The following RALGPS2 variants were observed in gnomAD, a reference collection of about 807,000 sequenced individuals.
RALGPS2 encodes Ral GEF with PH domain and SH3 binding motif 2, also known as ras-specific guanine nucleotide-releasing factor RalGPS2.
Under a neutral mutation model 86.8 loss-of-function variants are expected in RALGPS2, and 43 were observed. The ratio of observed to expected loss-of-function variants is 0.50; its 90% CI spans 0.39 to 0.64. The LOEUF (loss-of-function observed/expected upper bound fraction) is 0.64. Ranked by LOEUF, RALGPS2 falls within the 30% of genes least tolerant of loss-of-function variation. The pLI, the probability that RALGPS2 is intolerant of heterozygous loss-of-function variation, is 0.00. For missense variants in RALGPS2, 536 were observed against 694.6 expected, an observed-to-expected ratio of 0.77 and a Z score of 2.57; for synonymous variants, 243 against 231.3, an observed-to-expected ratio of 1.05 and a Z score of -0.46.
chr1:178,848,211 T>C (rs1403068848), intron 8 of RALGPS2, among the ~76,000 whole-genome samples: 1 of 151,838 alleles, frequency 6.6e-6, no homozygotes, highest in Non-Finnish European at 1.5e-5. Context: ...CTCAGGAGGC[T>C]AAGGTGGGAG....
chr1:178,773,210 A>T (rs1300771814), intron 1 of RALGPS2, among the ~76,000 whole-genome samples: 1 of 152,178 alleles, frequency 6.6e-6, no homozygotes, highest in African/African-American at 2.4e-5. Flanking sequence ...TTAGCTGGGC[A>T]TGGTGGTGCA....
At chr1:178,862,181 A>C (rs542667633) in intron 8 of RALGPS2, among the ~76,000 whole-genome samples, 3 of 152,094 alleles carry the variant, frequency 2.0e-5, no homozygotes, top group African/African-American at 7.2e-5. Context: ...CGAGGATATT[A>C]ATAATGATAA....
intron 8 of RALGPS2, among the ~76,000 whole-genome samples, chr1:178,840,487 G>A (rs1656544355): frequency 6.6e-6 from 1 of 152,162 alleles, no homozygotes; most frequent in Non-Finnish European, 1.5e-5. Context: ...GAATCTCTGG[G>A]ACACATTTAA....
In RALGPS2 at chr1:178,744,213, CGTT is replaced by C. The variant is rs554044470; in HGVS notation, c.-84+18797_-84+18799del. ...GTTGGTTTAACATTTAAAAAGCAAT[CGTT>C]GTAATTCACTACATTAAGTAAAAAA... is the stretch of plus-strand genomic sequence containing the variant. On this transcript the variant is annotated intron_variant, in intron 1 of 19. Transcript: ENST00000367635. Among the ~76,000 whole-genome samples the C allele has an allele frequency of 1.7e-3, 261 of 152,184 alleles. 1 individual carries two copies. The highest frequency in any genetic ancestry group is 6.8e-3 in the Middle Eastern group (2 of 294).
At chr1:178,827,902 G>A (rs1050690131) in intron 7 of RALGPS2, among the ~76,000 whole-genome samples, 1 of 152,138 alleles carries the variant, frequency 6.6e-6, no homozygotes, top group African/African-American at 2.4e-5. Flanking sequence ...AGAAAAACTG[G>A]ATGTCCGCAT....
At chr1:178,800,667 T>G (rs754272437) in intron 4 of RALGPS2, among the ~76,000 whole-genome samples, 20 of 152,156 alleles carry the variant, frequency 1.3e-4, no homozygotes, top group Admixed American at 2.6e-4. Context: ...TATTAGTGGT[T>G]TTGGGGGAGT....
intron 1 of RALGPS2, among the ~76,000 whole-genome samples, chr1:178,761,839 T>C (rs867450071): frequency 1.4e-4 from 21 of 152,132 alleles, no homozygotes; most frequent in African/African-American, 4.6e-4. Context: ...ATTTAAGTTC[T>C]TTAGTTCCAG....
intron 2 of RALGPS2, among the ~76,000 whole-genome samples, chr1:178,781,296 A>C (rs555914600): frequency 6.6e-6 from 1 of 152,162 alleles, no homozygotes; most frequent in Non-Finnish European, 1.5e-5. Flanking sequence ...CTTCTCTCAA[A>C]TTATAGGTCT....
chr1:178,785,674 A>G, intron 4 of RALGPS2, 67 bp downstream of exon 4: 2 of 1,495,332 alleles, frequency 1.3e-6, no homozygotes, highest in Non-Finnish European at 1.8e-6. Context: ...AGTGTTTTAG[A>G]AATGTCAAAT....
intron 8 of RALGPS2, among the ~76,000 whole-genome samples, chr1:178,875,697 G>A (rs1658971767): frequency 6.6e-6 from 1 of 151,780 alleles, no homozygotes; most frequent in Admixed American, 6.6e-5. Context: ...GCAGTGAGCC[G>A]AGATCGCACC....
intron 6 of RALGPS2, among the ~76,000 whole-genome samples, chr1:178,813,522 A>G (rs1655090286): frequency 6.6e-6 from 1 of 152,190 alleles, no homozygotes; most frequent in South Asian, 2.1e-4. Flanking sequence ...ACTGTTTGTT[A>G]TAAAACTGGC....
intron 7 of RALGPS2, among the ~76,000 whole-genome samples, chr1:178,822,087 T>A (rs530365794): frequency 6.6e-6 from 1 of 152,316 alleles, no homozygotes; most frequent in East Asian, 1.9e-4. Flanking sequence ...TTCAAAAAAA[T>A]TTTACTGATT....
chr1:178,738,367 C>T (rs965524676), intron 1 of RALGPS2, among the ~76,000 whole-genome samples: 8 of 151,994 alleles, frequency 5.3e-5, no homozygotes, highest in African/African-American at 1.9e-4. Context: ...TGCCACCATG[C>T]CTGGCTGATT....
chr1:178,875,046 T>C (rs542491053), intron 8 of RALGPS2, among the ~76,000 whole-genome samples: 2 of 152,124 alleles, frequency 1.3e-5, no homozygotes, highest in African/African-American at 4.8e-5. Context: ...CACACATATA[T>C]GCAATCAGGA....
At chr1:178,818,772 G>C (rs1655356197) in intron 6 of RALGPS2, among the ~76,000 whole-genome samples, 1 of 152,130 alleles carries the variant, frequency 6.6e-6, no homozygotes, top group African/African-American at 2.4e-5. Context: ...CCTCAGGGAG[G>C]AAAAACTGTT....
At chr1:178,779,891 G>C (rs1047001217) in intron 2 of RALGPS2, among the ~76,000 whole-genome samples, 3 of 152,100 alleles carry the variant, frequency 2.0e-5, no homozygotes, top group Non-Finnish European at 4.4e-5. Flanking sequence ...TTGCCACCAC[G>C]CCTGGCTAAT....
rs191094930 is a variant in RALGPS2 at position 178,834,854 on chromosome 1, T to C, written c.607+1304T>C. Among the ~76,000 whole-genome samples, 66 of 152,348 alleles carry C rather than the reference T, an allele frequency of 4.3e-4. 1 individual carries two copies. Among genetic ancestry groups the C allele is most frequent in the Admixed American group, 9.8e-4 (15 of 15,306 alleles). ...GCTCAGAAGTGCGATCGCTGCTTGC[T>C]GCAGCCTCTGCCTTCCAAGTTCAAG... is the stretch of plus-strand genomic sequence containing the variant. On this transcript the variant is annotated intron_variant, in intron 8 of 19. Transcript: ENST00000367635.
intron 8 of RALGPS2, among the ~76,000 whole-genome samples, chr1:178,871,511 G>A (rs1658754464): frequency 1.0e-5 from 1 of 98,230 alleles, no homozygotes; most frequent in Non-Finnish European, 2.0e-5. Flanking sequence ...AGAAGAATTT[G>A]TAAACATTTT....
intron 1 of RALGPS2, among the ~76,000 whole-genome samples, chr1:178,759,612 A>G (rs897121470): frequency 1.7e-4 from 19 of 114,890 alleles, no homozygotes; most frequent in African/African-American, 4.6e-4. Context: ...TGTTTTTTCT[A>G]TTTCCATGAA....
Sources: gnomAD v4.1 joint callset for allele counts (sites outside exome capture counted in the v4.1 genomes callset) on GRCh38, gnomAD v4.1.1 for gene constraint, MANE v1.5 for transcripts, NCBI Gene and HGNC (gene_info 2026-07-23, HGNC 2026-07-21) for gene names.